Variants in CCDC181 observed in about 807,000 individuals in gnomAD.
The protein encoded by CCDC181 is coiled-coil domain containing 181.
In CCDC181, 35 loss-of-function variants were observed where a neutral mutation model predicts 58.7. That is an observed-to-expected ratio of 0.60 (90% confidence interval 0.46 to 0.79). CCDC181 has a LOEUF of 0.79. Among genes scored for constraint, CCDC181 ranks in the 30% least tolerant of loss-of-function variants. The pLI is 0.00. For missense variants in CCDC181, 517 were observed against 583.9 expected, an observed-to-expected ratio of 0.89 and a Z score of 1.18; for synonymous variants, 183 against 197.5, an observed-to-expected ratio of 0.93 and a Z score of 0.62.
intron 2 of CCDC181, among the ~76,000 whole-genome samples, chr1:169,459,293 C>T (rs1330747882): frequency 1.3e-5 from 2 of 152,072 alleles, no homozygotes; most frequent in Non-Finnish European, 2.9e-5. Flanking sequence ...TTTCCTATTC[C>T]ACACTGTGGA....
At chr1:169,429,670 ATTTG>A (rs1295452701), upstream of CCDC181, among the ~76,000 whole-genome samples, 1 of 151,596 alleles carries the variant, frequency 6.6e-6, no homozygotes, top group East Asian at 1.9e-4. Context: ...TTCCTTGCTG[ATTTG>A]TTTGAGTTCC....
intron 2 of CCDC181, among the ~76,000 whole-genome samples, chr1:169,434,372 G>A (rs1428045966): frequency 6.6e-6 from 1 of 151,958 alleles, no homozygotes; most frequent in Non-Finnish European, 1.5e-5. Flanking sequence ...AAACAGTATG[G>A]CAATTCCTCA....
At position 169,421,655 on chromosome 1, in the gene CCDC181, G is replaced by C; in HGVS notation, c.776C>G (p.Ser259Cys). 6.2e-7 allele frequency: 1 copy of C among 1,614,166 alleles called. No individual in the cohort carries two copies. The highest frequency in any genetic ancestry group is 8.5e-7 in the Non-Finnish European group (1 of 1,180,022). The change falls in exon 3 of 6, where the codon TCT becomes TGT. Residue 259 changes from serine (S) to cysteine (C), a missense_variant. Transcript: ENST00000367806. ...ENDPQQLLPR[S>C]SNSSVSGTKK... The stretch of plus-strand genomic sequence containing the variant: ...GGTGCCACTGACAGAGGAGTTGGAA[G>C]ATCTGGGTAACAACTGCTGAGGGTC...
intron 2 of CCDC181, among the ~76,000 whole-genome samples, chr1:169,449,544 C>T (rs998813447): frequency 5.3e-5 from 8 of 152,334 alleles, no homozygotes; most frequent in East Asian, 1.9e-4. Flanking sequence ...GAAGCCAGTT[C>T]GAGTCCCAAA....
chr1:169,428,551 A>G (rs1656809601), upstream of CCDC181, among the ~76,000 whole-genome samples: 1 of 152,176 alleles, frequency 6.6e-6, no homozygotes, highest in South Asian at 2.1e-4. Flanking sequence ...GTGTTTGGTT[A>G]CATGGATAAG....
intron 2 of CCDC181, among the ~76,000 whole-genome samples, chr1:169,435,374 A>G (rs922712019): frequency 2.0e-5 from 3 of 152,118 alleles, no homozygotes; most frequent in Non-Finnish European, 4.4e-5. Context: ...GTTGAATTGT[A>G]TGGTATTAGT....
At chr1:169,408,256 G>C (rs553100134) in intron 4 of CCDC181, among the ~76,000 whole-genome samples, 1 of 152,198 alleles carries the variant, frequency 6.6e-6, no homozygotes, top group African/African-American at 2.4e-5. Flanking sequence ...CCATTACTGA[G>C]GCTTGAGTAG....
intron 2 of CCDC181, among the ~76,000 whole-genome samples, chr1:169,455,318 TA>T (rs1441011714): frequency 6.6e-6 from 1 of 152,054 alleles, no homozygotes; most frequent in Non-Finnish European, 1.5e-5. Flanking sequence ...AAGTATTAAT[TA>T]TTCCATTCTT....
chr1:169,435,507 C>G (rs897507129), intron 2 of CCDC181, among the ~76,000 whole-genome samples: 1 of 152,070 alleles, frequency 6.6e-6, no homozygotes, highest in Non-Finnish European at 1.5e-5. Context: ...TGATATATGG[C>G]TCATATCTCC....
chr1:169,458,191 TTTG>T (rs869303352), intron 2 of CCDC181, among the ~76,000 whole-genome samples: 2 of 148,402 alleles, frequency 1.3e-5, no homozygotes, highest in African/African-American at 5.0e-5. Context: ...TTTTTTTTGT[TTTG>T]TTTTTTTTGC....
At chr1:169,442,144 C>T (rs1312812297) in intron 2 of CCDC181, among the ~76,000 whole-genome samples, 1 of 151,816 alleles carries the variant, frequency 6.6e-6, no homozygotes, top group African/African-American at 2.4e-5. Flanking sequence ...GAACATGTGA[C>T]CATGCACATC....
chr1:169,428,968 T>G (rs1656825102), upstream of CCDC181, among the ~76,000 whole-genome samples: 1 of 152,138 alleles, frequency 6.6e-6, no homozygotes, highest in Non-Finnish European at 1.5e-5. Context: ...TTCTCCCAAG[T>G]CCCCAAAGTC....
exon 1 of CCDC181, chr1:169,460,467 G>C (rs1026724149): frequency 6.6e-6 from 1 of 152,380 alleles, no homozygotes; most frequent in South Asian, 2.1e-4. Context: ...TCACGTAGGG[G>C]CTGCAGCGCC....
intron 2 of CCDC181, 109 bp from the exon 3 acceptor site, chr1:169,422,422 T>G (rs1311834139): frequency 1.3e-6 from 1 of 741,976 alleles, no homozygotes; most frequent in African/African-American, 1.8e-5. Flanking sequence ...TGGGAAAATT[T>G]AAGTGTTTAT....
At chr1:169,443,121 C>T (rs1177375131) in intron 2 of CCDC181, 1 of 151,616 alleles carries the variant, frequency 6.6e-6, no homozygotes, top group Admixed American at 6.6e-5. Context: ...TCATGTGTCA[C>T]ACCAAAGGCT....
chr1:169,433,475 CAA>C (rs1024159251), intron 2 of CCDC181, among the ~76,000 whole-genome samples: 1 of 151,872 alleles, frequency 6.6e-6, no homozygotes, highest in Non-Finnish European at 1.5e-5. Flanking sequence ...CCCCAAAAGC[CAA>C]AAGAGTCTTG....
At chr1:169,436,274 AT>A (rs748136796) in intron 2 of CCDC181, among the ~76,000 whole-genome samples, 3 of 152,222 alleles carry the variant, frequency 2.0e-5, no homozygotes, top group Admixed American at 6.5e-5. Context: ...ATGCTTAACT[AT>A]CCCAAAGACA....
At chr1:169,423,062 T>TA (rs1445596348) in intron 2 of CCDC181, among the ~76,000 whole-genome samples, 3 of 104,378 alleles carry the variant, frequency 2.9e-5, no homozygotes, top group Non-Finnish European at 6.8e-5. Flanking sequence ...ATATAAATAT[T>TA]TTATATATAT....
intron 2 of CCDC181, among the ~76,000 whole-genome samples, chr1:169,434,186 T>G (rs745417840): frequency 6.6e-6 from 1 of 151,940 alleles, no homozygotes; most frequent in Non-Finnish European, 1.5e-5. Flanking sequence ...AGGAAACATA[T>G]GAAAAGATGC....
Sources: gnomAD v4.1 joint callset for allele counts (sites outside exome capture counted in the v4.1 genomes callset) on GRCh38, gnomAD v4.1.1 for gene constraint, MANE v1.5 for transcripts, NCBI Gene and HGNC (gene_info 2026-07-23, HGNC 2026-07-21) for gene names.